Variants in ATXN7 observed in about 807,000 individuals in gnomAD.
ATXN7 encodes the protein ataxin-7.
A neutral mutation model predicts 70.5 loss-of-function variants in ATXN7; 12 were observed. The observed-to-expected ratio is 0.17, with a 90% CI of 0.11 to 0.28. The LOEUF is 0.28. ATXN7 is among the 10% of genes least tolerant of loss of function. The probability of loss-of-function intolerance (pLI) is 1.00; values close to 1 mark genes in which losing one functional copy is unlikely to be tolerated. For synonymous variants in ATXN7, 498 were observed against 448.7 expected (o/e 1.11, Z -1.39); for missense variants, 1,256 against 1,131.7 (o/e 1.11, Z -1.58).
intron 1 of ATXN7, among the ~76,000 whole-genome samples, chr3:63,885,031 A>G (rs1461252262): frequency 1.3e-5 from 2 of 152,156 alleles, no homozygotes; most frequent in African/African-American, 4.8e-5. Flanking sequence ...AAAGGGAGGA[A>G]AGAGACAGCT....
chr3:63,934,876 A>C (rs985301938), intron 4 of ATXN7, among the ~76,000 whole-genome samples: 1 of 152,188 alleles, frequency 6.6e-6, no homozygotes. Flanking sequence ...AGAATGTTCT[A>C]TGCATTGTAG....
At chr3:63,943,424 G>A (rs1379977128) in intron 4 of ATXN7, among the ~76,000 whole-genome samples, 2 of 152,202 alleles carry the variant, frequency 1.3e-5, no homozygotes, top group Non-Finnish European at 2.9e-5. Context: ...TGGGGAGCAG[G>A]GGGAGTGTAG....
intron 1 of ATXN7, among the ~76,000 whole-genome samples, chr3:63,887,844 A>T (rs918809145): frequency 5.4e-5 from 8 of 149,106 alleles, no homozygotes; most frequent in African/African-American, 2.0e-4. Context: ...AAGTGCTGGG[A>T]TTACAGATGT....
At chr3:63,979,438 GAAA>G (rs1191253641) in intron 5 of ATXN7, among the ~76,000 whole-genome samples, 1 of 151,828 alleles carries the variant, frequency 6.6e-6, no homozygotes, top group African/African-American at 2.4e-5. Context: ...TAGTGACAGG[GAAA>G]AAAAAGAAGG....
At chr3:63,869,491 T>C (rs1702535926) in intron 1 of ATXN7, among the ~76,000 whole-genome samples, 1 of 152,324 alleles carries the variant, frequency 6.6e-6, no homozygotes, top group Non-Finnish European at 1.5e-5. Context: ...TGGCATGATC[T>C]TGGCTCACTG....
chr3:63,978,441 C>CA (rs2075428551), intron 5 of ATXN7, among the ~76,000 whole-genome samples: 2 of 152,320 alleles, frequency 1.3e-5, no homozygotes, highest in South Asian at 4.1e-4. Context: ...CACATGTTTA[C>CA]AATCCTGGCT....
intron 1 of ATXN7, among the ~76,000 whole-genome samples, chr3:63,891,741 A>G (rs1387100032): frequency 6.6e-6 from 1 of 152,212 alleles, no homozygotes; most frequent in Non-Finnish European, 1.5e-5. Flanking sequence ...ATAGGTGACT[A>G]TTGGCGATCT....
intron 1 of ATXN7, among the ~76,000 whole-genome samples, chr3:63,877,376 C>T (rs950364208): frequency 1.3e-5 from 2 of 152,136 alleles, no homozygotes; most frequent in Non-Finnish European, 2.9e-5. Flanking sequence ...ATAGAGTTCT[C>T]CAATAAAATA....
At chr3:63,896,350 T>C (rs1335687065) in intron 1 of ATXN7, among the ~76,000 whole-genome samples, 1 of 149,020 alleles carries the variant, frequency 6.7e-6, no homozygotes, top group African/African-American at 2.4e-5. Flanking sequence ...ATAAAAGGTA[T>C]CAAGTTTAAT....
Position 63,894,505 on chromosome 3 carries a change from C to CA in ATXN7, c.-110-3893dup, listed in dbSNP as rs552470918. On this transcript the variant is annotated intron_variant, in intron 1 of 12. Coordinates refer to ENST00000674280, the MANE Select transcript of ATXN7 (RefSeq NM_001377405.1). ...TTCTAGTGCCAGACACAGTACTTGG[C>CA]ATGGAGCACATTCTCAATGTGTTTT... 2.4e-4 allele frequency among the ~76,000 whole-genome samples: 37 copies of CA among 152,266 alleles called. 1 individual carries two copies. The East Asian group carries it at 6.9e-3, about 29-fold the overall frequency.
intron 7 of ATXN7, 47 bp from the exon 8 acceptor site, chr3:63,982,892 G>C: frequency 7.1e-7 from 1 of 1,418,438 alleles, no homozygotes; most frequent in Non-Finnish European, 1.0e-6. Flanking sequence ...AAAATACATG[G>C]AGGAGAGTTT....
intron 11 of ATXN7, among the ~76,000 whole-genome samples, chr3:63,991,397 C>T (rs1313959606): frequency 1.3e-5 from 2 of 148,454 alleles, no homozygotes; most frequent in Non-Finnish European, 3.0e-5. Flanking sequence ...CTAGAGGTAA[C>T]ATGTTTTCAA....
intron 5 of ATXN7, 122 bp from the exon 6 acceptor site, chr3:63,979,793 C>T: frequency 7.3e-7 from 1 of 1,365,788 alleles, no homozygotes; most frequent in Non-Finnish European, 1.0e-6. Context: ...CTGAGTTTAA[C>T]ATACCTTCAC....
At chr3:63,984,300 C>T (rs1239570973) in intron 8 of ATXN7, among the ~76,000 whole-genome samples, 1 of 151,908 alleles carries the variant, frequency 6.6e-6, no homozygotes, top group African/African-American at 2.4e-5. Context: ...TTAATGGACA[C>T]CCCCACCCCA....
chr3:63,953,421 C>A (rs960693936), intron 5 of ATXN7, among the ~76,000 whole-genome samples: 7 of 152,002 alleles, frequency 4.6e-5, no homozygotes, highest in Non-Finnish European at 7.4e-5. Flanking sequence ...CTGGAGGAAT[C>A]CAGCATTATA....
intron 4 of ATXN7, among the ~76,000 whole-genome samples, chr3:63,931,080 A>C (rs895936031): frequency 6.6e-6 from 1 of 152,108 alleles, no homozygotes; most frequent in African/African-American, 2.4e-5. Context: ...GCTGGAGTTA[A>C]TGGTATATAC....
chr3:63,900,466 G>A (rs1703595910), intron 2 of ATXN7: 1 of 152,248 alleles, frequency 6.6e-6, no homozygotes, highest in South Asian at 2.1e-4. Context: ...AAAATGTTCT[G>A]GACTAAAGCT....
At position 63,982,256 on chromosome 3, in the gene ATXN7, G is replaced by A; in HGVS notation, c.823G>A (p.Gly275Arg). Reference sequence around the variant, plus strand: ...TGGCACACTACTGAAATCTGCGGTGGGGCCAACCTGTCCTGCTACTGTGAG... The same window carrying A: ...TGGCACACTACTGAAATCTGCGGTGAGGCCAACCTGTCCTGCTACTGTGAG... ...MDGTLLKSAV[G>R]PTCPATVSSL... The change falls in exon 7 of 13, where the codon GGG becomes AGG. Residue 275 changes from glycine (G) to arginine (R), a missense_variant. Transcript: ENST00000674280. 1 of 1,614,070 alleles carries A rather than the reference G, an allele frequency of 6.2e-7. No homozygotes were observed. The highest frequency in any genetic ancestry group is 8.5e-7 in the Non-Finnish European group (1 of 1,179,996).
At position 63,998,202 on chromosome 3, in the gene ATXN7, G is replaced by GGT. The variant is rs1553696277; in HGVS notation, c.2662-1247_2662-1246insTG. On this transcript the variant is annotated intron_variant, in intron 12 of 12. Transcript: ENST00000674280. ...CCACAAGTAACAAAAAGGACAGAAG[G>GGT]GGGGGGGGCCAGGTGGGGCACAGCA... 22 of 951,096 alleles carry GGT rather than the reference G, an allele frequency of 2.3e-5. No homozygotes were observed. The Middle Eastern group carries it at 2.2e-3, about 93-fold the overall frequency. 58.9% of individuals were successfully genotyped at this position (951,096 alleles called of 1,614,324 possible). A position where few individuals can be genotyped will look rare whatever the true frequency, so the allele number is the denominator to read the frequency against.
Sources: allele counts gnomAD v4.1 joint callset (sites outside exome capture counted in the v4.1 genomes callset), GRCh38; gene constraint gnomAD v4.1.1; transcripts MANE v1.5; gene names NCBI Gene and HGNC (gene_info 2026-07-23, HGNC 2026-07-21).